CADPS: variants seen among roughly 807,000 people sequenced by gnomAD.
CADPS encodes the protein calcium dependent secretion activator, also known as calcium-dependent secretion activator 1.
CADPS carries 57 observed loss-of-function variants against 167.3 expected under a neutral mutation model. That is an observed-to-expected ratio of 0.34 (90% confidence interval 0.28 to 0.42). The LOEUF (loss-of-function observed/expected upper bound fraction) is 0.42, where lower values mean the gene tolerates loss of function less well. CADPS is among the 20% of genes least tolerant of loss of function. CADPS has a pLI of 1.00. For synonymous variants in CADPS, 676 were observed against 635.3 expected (o/e 1.06, Z -0.96); for missense variants, 1,414 against 1,738.1 (o/e 0.81, Z 3.32).
chr3:62,401,548 A>C (rs1706156317), intron 29 of CADPS, among the ~76,000 whole-genome samples: 2 of 152,224 alleles, frequency 1.3e-5, no homozygotes, highest in African/African-American at 4.8e-5. Flanking sequence ...AAGAAAGCCA[A>C]TTATCCTTGG....
chr3:62,604,372 C>T (rs528854930), intron 6 of CADPS, among the ~76,000 whole-genome samples: 10 of 152,206 alleles, frequency 6.6e-5, no homozygotes, highest in Non-Finnish European at 1.2e-4. Flanking sequence ...GTTTGTTCAG[C>T]GTTTTTCTTG....
chr3:62,749,460 T>C (rs1272278477), intron 3 of CADPS, among the ~76,000 whole-genome samples: 2 of 152,100 alleles, frequency 1.3e-5, no homozygotes, highest in African/African-American at 4.8e-5. Context: ...TTAAGCACAT[T>C]TTGGGTTTGG....
At chr3:62,622,847 A>G (rs1311008930) in intron 6 of CADPS, among the ~76,000 whole-genome samples, 4 of 152,228 alleles carry the variant, frequency 2.6e-5, no homozygotes, top group Non-Finnish European at 4.4e-5. Context: ...ATTCAGCCAC[A>G]GCGCATTTTT....
At chr3:62,428,418 C>T (rs572026803) in intron 28 of CADPS, among the ~76,000 whole-genome samples, 13 of 144,546 alleles carry the variant, frequency 9.0e-5, no homozygotes, top group East Asian at 2.2e-4. Flanking sequence ...GCTGATCTAA[C>T]GTGCTGTTCC....
intron 26 of CADPS, among the ~76,000 whole-genome samples, chr3:62,463,355 T>G (rs1045353355): frequency 3.3e-5 from 5 of 152,194 alleles, no homozygotes; most frequent in African/African-American, 1.2e-4. Context: ...CAAAAACAGT[T>G]GCTCAAAGTG....
intron 2 of CADPS, among the ~76,000 whole-genome samples, chr3:62,762,007 C>G (rs939723182): frequency 2.0e-5 from 3 of 152,188 alleles, no homozygotes; most frequent in Non-Finnish European, 2.9e-5. Flanking sequence ...CCTTGGTCTC[C>G]TTTCTCCCAT....
In CADPS at chr3:62,874,507, C is replaced by A; in HGVS notation, c.441+82G>T. 2 of 1,104,630 alleles carry A rather than the reference C, an allele frequency of 1.8e-6. No individual in the cohort carries two copies. Among genetic ancestry groups the A allele is most frequent in the Non-Finnish European group, 2.6e-6 (2 of 761,102 alleles). 68.4% of individuals were successfully genotyped at this position (1,104,630 alleles called of 1,614,324 possible). A position where few individuals can be genotyped will look rare whatever the true frequency, so the allele number is the denominator to read the frequency against. On this transcript the variant is annotated intron_variant, in intron 1 of 29. Transcript: ENST00000383710. This position sits in a 1 kb window ranked among gnomAD's most constrained non-coding sequence, Gnocchi z 7.1. ...CACCTCTCCTGCTCCTCCTCGCCAG[C>A]TGCGCCGCCAGCTCCCATTGTTCAC...
intron 1 of CADPS, among the ~76,000 whole-genome samples, chr3:62,872,692 G>A (rs1369860149): frequency 6.6e-5 from 10 of 152,094 alleles, no homozygotes; most frequent in Non-Finnish European, 1.5e-4. Flanking sequence ...AGTAACTGAA[G>A]TTTCTGTTTA....
intron 8 of CADPS, among the ~76,000 whole-genome samples, chr3:62,578,672 C>A (rs865956602): frequency 6.7e-6 from 1 of 149,256 alleles, no homozygotes; most frequent in African/African-American, 2.5e-5. Flanking sequence ...AATAACAAAG[C>A]TTCAGAATAT....
At chr3:62,470,702 A>T (rs1221946273) in intron 24 of CADPS, 1 of 152,210 alleles carries the variant, frequency 6.6e-6, no homozygotes, top group East Asian at 1.9e-4. Flanking sequence ...ATTCAATTAT[A>T]CTAAGGAAAA....
intron 1 of CADPS, among the ~76,000 whole-genome samples, chr3:62,827,384 A>G (rs1051366950): frequency 6.6e-6 from 1 of 152,202 alleles, no homozygotes; most frequent in African/African-American, 2.4e-5. Flanking sequence ...AACACTCACT[A>G]TGCCAAAGAC....
At chr3:62,645,626 C>A (rs1367473092) in intron 6 of CADPS, 96 bp downstream of exon 6, 3 of 1,363,036 alleles carry the variant, frequency 2.2e-6, no homozygotes, top group South Asian at 2.6e-5. Flanking sequence ...CTTCTCGTAT[C>A]TTCTGGGGAA....
At chr3:62,587,488 G>C (rs144917858) in intron 7 of CADPS, among the ~76,000 whole-genome samples, 55 of 152,304 alleles carry the variant, frequency 3.6e-4, no homozygotes, top group African/African-American at 1.3e-3. Flanking sequence ...TGGCCTGAGA[G>C]AGGTAGGGGT....
At chr3:62,425,037 C>T (rs1272887073) in intron 28 of CADPS, among the ~76,000 whole-genome samples, 3 of 152,122 alleles carry the variant, frequency 2.0e-5, no homozygotes, top group African/African-American at 4.8e-5. Flanking sequence ...AGGATCTGGG[C>T]AAGTTCATTT....
chr3:62,804,870 T>A (rs1314848499), intron 1 of CADPS, among the ~76,000 whole-genome samples: 11 of 152,124 alleles, frequency 7.2e-5, no homozygotes, highest in Admixed American at 7.2e-4. Context: ...CCTGACCTTA[T>A]AATGGGAAGA....
intron 3 of CADPS, among the ~76,000 whole-genome samples, chr3:62,698,096 C>A (rs1020399253): frequency 1.3e-5 from 2 of 152,006 alleles, no homozygotes; most frequent in Non-Finnish European, 2.9e-5. Flanking sequence ...TTGATCCTTA[C>A]TTTCCTCTTC....
chr3:62,416,231 C>T (rs536948608), intron 28 of CADPS, among the ~76,000 whole-genome samples: 1 of 152,270 alleles, frequency 6.6e-6, no homozygotes, highest in Non-Finnish European at 1.5e-5. Context: ...ACATTATATA[C>T]TTCTGACAAA....
At chr3:62,612,876 G>A (rs146620147) in intron 6 of CADPS, among the ~76,000 whole-genome samples, 1,795 of 152,334 alleles carry the variant, frequency 0.012, 11 homozygotes, top group Non-Finnish European at 0.018. Context: ...CCAAGGCACT[G>A]TTCTGGGCGC....
intron 1 of CADPS, among the ~76,000 whole-genome samples, chr3:62,844,612 G>A (rs759609392): frequency 3.3e-5 from 5 of 152,178 alleles, no homozygotes; most frequent in South Asian, 2.1e-4. Context: ...AAATTTAAGC[G>A]TAGGTATCGG....
Sources: allele counts gnomAD v4.1 joint callset (sites outside exome capture counted in the v4.1 genomes callset), GRCh38; gene constraint gnomAD v4.1.1; non-coding constraint Gnocchi (gnomAD v3.1); transcripts MANE v1.5; gene names NCBI Gene and HGNC (gene_info 2026-07-23, HGNC 2026-07-21).